Variants in MAP3K14 observed in about 807,000 individuals in gnomAD.
MAP3K14 encodes the protein mitogen-activated protein kinase kinase kinase 14.
In MAP3K14, 16 loss-of-function variants were observed where a neutral mutation model predicts 99.2. The observed-to-expected ratio is 0.16, with a 90% CI of 0.11 to 0.24. The LOEUF is 0.24. Among genes scored for constraint, MAP3K14 ranks in the 10% least tolerant of loss-of-function variants. The pLI, the probability that MAP3K14 is intolerant of heterozygous loss-of-function variation, is 1.00. For missense variants in MAP3K14, 784 were observed against 1,208.7 expected (o/e 0.65, Z 5.21); for synonymous variants, 462 against 492.4 (o/e 0.94, Z 0.82).
Position 45,264,619 on chromosome 17 carries a change from G to A in MAP3K14, c.*17C>T, listed in dbSNP as rs759772723. On this transcript the variant is annotated 3_prime_UTR_variant, in exon 16 of 16. Transcript: ENST00000344686. Reference sequence around the variant, plus strand: ...AGGCTGCTTCCGGCAGTGTGGAGCCGGCGGTGGAGGGCAGGGTTAGGGCCT... The same window carrying A: ...AGGCTGCTTCCGGCAGTGTGGAGCCAGCGGTGGAGGGCAGGGTTAGGGCCT... 19 of 1,558,506 alleles carry A rather than the reference G, an allele frequency of 1.2e-5. No homozygotes were observed. Among genetic ancestry groups the A allele is most frequent in the Middle Eastern group, 3.4e-4 (2 of 5,892 alleles).
chr17:45,286,720 G>A lies in MAP3K14; in HGVS notation c.863C>T (p.Ala288Val), dbSNP rs781158930. Reference sequence around the variant, plus strand: ...CAAGGGTTTCTGGCTGTCTACACAGGCCAGTTTGCCCAGGAAGGACTCCAG... The same window carrying A: ...CAAGGGTTTCTGGCTGTCTACACAGACCAGTTTGCCCAGGAAGGACTCCAG... ...HPLESFLGKL[A>V]CVDSQKPLPD... The change falls in exon 5 of 16, where the codon GCC (alanine) becomes GTC (valine). Residue 288 changes from alanine to valine, a missense_variant. Physicochemically the swap from Ala to Val is moderately conservative, Grantham distance 64. This residue lies in a region of MAP3K14 where 138 missense variants were observed against 164.1 expected (regional missense o/e 0.84). Transcript: ENST00000344686. The surrounding 1 kb of genome is among the most constrained non-coding windows in gnomAD (Gnocchi z 4.1). The A allele has an allele frequency of 2.5e-6, 4 of 1,610,152 alleles. No homozygotes were observed. The highest frequency in any genetic ancestry group is 1.7e-4 in the Middle Eastern group (1 of 6,060).
chr17:45,296,592 G>A (rs528164317), intron 1 of MAP3K14, among the ~76,000 whole-genome samples: 81 of 152,286 alleles, frequency 5.3e-4, no homozygotes, highest in South Asian at 1.0e-3. Flanking sequence ...GAGCAAGCTG[G>A]CCTGGCAAAA....
intron 6 of MAP3K14, among the ~76,000 whole-genome samples, chr17:45,280,407 G>A (rs1469247052): frequency 1.3e-5 from 2 of 150,552 alleles, no homozygotes; most frequent in African/African-American, 2.5e-5. Context: ...GGGTTCAAGC[G>A]ATTCTCCTGC....
intron 6 of MAP3K14, among the ~76,000 whole-genome samples, chr17:45,280,961 C>T (rs1188116906): frequency 1.3e-5 from 2 of 152,180 alleles, no homozygotes; most frequent in Non-Finnish European, 2.9e-5. Flanking sequence ...TCCTATCAAT[C>T]CATCCACTGA....
intron 14 of MAP3K14, 165 bp downstream of exon 14, chr17:45,266,372 G>T (rs2044082377): frequency 1.2e-6 from 1 of 815,180 alleles, no homozygotes; most frequent in Non-Finnish European, 1.9e-6. Flanking sequence ...TGGGACCTTT[G>T]CTTGAAACCC....
intron 1 of MAP3K14, among the ~76,000 whole-genome samples, chr17:45,311,555 G>T (rs1038351930): frequency 6.6e-6 from 1 of 152,172 alleles, no homozygotes; most frequent in African/African-American, 2.4e-5. Flanking sequence ...GTAGTAACCA[G>T]AACCTGGGAG....
intron 1 of MAP3K14, among the ~76,000 whole-genome samples, chr17:45,306,392 G>C (rs1243198932): frequency 6.8e-6 from 1 of 146,378 alleles, no homozygotes; most frequent in Non-Finnish European, 1.5e-5. Flanking sequence ...AGAAATTCAG[G>C]GACTGGCCTG....
At chr17:45,292,600 C>T (rs2143834430) in intron 1 of MAP3K14, among the ~76,000 whole-genome samples, 1 of 152,132 alleles carries the variant, frequency 6.6e-6, no homozygotes, top group East Asian at 1.9e-4. Context: ...TTCTGACATC[C>T]AATTAGGCAA....
In MAP3K14 at chr17:45,290,784, A is replaced by G; in HGVS notation, c.-20-19T>C. 6.3e-7 allele frequency: 1 copy of G among 1,597,884 alleles called. No individual in the cohort carries two copies. Among genetic ancestry groups the G allele is most frequent in the East Asian group, 2.2e-5 (1 of 44,458 alleles). The stretch of plus-strand genomic sequence containing the variant: ...GCTCATCCTGAGAGAGACCAAACAC[A>G]GAGCAGGTCACTTAGAATCCCAGAC... On this transcript the variant is annotated intron_variant, in intron 1 of 15. Transcript: ENST00000344686.
At chr17:45,284,752 G>A in intron 6 of MAP3K14, 60 bp downstream of exon 6, 1 of 1,521,704 alleles carries the variant, frequency 6.6e-7, no homozygotes, top group Middle Eastern at 2.4e-4. Context: ...AAAGCAGAGG[G>A]AACACACCAG....
intron 10 of MAP3K14, 140 bp from the exon 11 acceptor site, chr17:45,270,703 T>C: frequency 8.1e-7 from 1 of 1,228,908 alleles, no homozygotes; most frequent in Non-Finnish European, 1.1e-6. Context: ...GGGTCTGGGC[T>C]ACAGTGAGGG....
chr17:45,297,298 A>G (rs1249047889), intron 1 of MAP3K14, among the ~76,000 whole-genome samples: 1 of 152,210 alleles, frequency 6.6e-6, no homozygotes, highest in African/African-American at 2.4e-5. Flanking sequence ...TACTACCCCT[A>G]GCATCTGCCC....
Position 45,273,569 on chromosome 17 carries a change from C to T in MAP3K14, c.1591G>A (p.Ala531Thr). ...ACAGCATGGCCAAAGTCACAGAGGG[C>T]TGCGTGGCTCCCATCGCTGGACAGG... is the stretch of plus-strand genomic sequence containing the variant. ...VLLSSDGSHA[A>T]LCDFGHAVCL... Residue 531 changes from alanine (A) to threonine (T), a missense_variant, in exon 9 of 16, where the codon GCC becomes ACC. Around this residue, in one of 5 missense-constraint regions of MAP3K14, gnomAD observed 200 missense variants for 367.9 expected, o/e 0.54. Transcript: ENST00000344686. 6.2e-7 allele frequency: 1 copy of T among 1,613,476 alleles called. No homozygotes were observed. Among genetic ancestry groups the T allele is most frequent in the Non-Finnish European group, 8.5e-7 (1 of 1,179,728 alleles).
Position 45,283,196 on chromosome 17 carries a change from G to A in MAP3K14, c.1290+1616C>T, listed in dbSNP as rs369309871. On this transcript the variant is annotated intron_variant, in intron 6 of 15. Coordinates refer to ENST00000344686, the MANE Select transcript of MAP3K14 (RefSeq NM_003954.5). ...TGACTAAGCTCCCAGCACTGGGTGCGCGTCTCTTCACACTCTCACACTCTC... is the reference window on the plus strand; with the variant it reads ...TGACTAAGCTCCCAGCACTGGGTGCACGTCTCTTCACACTCTCACACTCTC... Among the ~76,000 whole-genome samples the A allele has an allele frequency of 8.5e-5, 13 of 152,254 alleles. No individual in the cohort carries two copies. In the East Asian group the frequency reaches 1.9e-3, roughly 23 times the overall value.
At chr17:45,311,944 G>T (rs1050520468) in intron 1 of MAP3K14, among the ~76,000 whole-genome samples, 1 of 152,060 alleles carries the variant, frequency 6.6e-6, no homozygotes, top group Non-Finnish European at 1.5e-5. Flanking sequence ...TGCTGATCTG[G>T]GCTCTGTGCC....
chr17:45,301,792 T>C (rs550786170), intron 1 of MAP3K14, among the ~76,000 whole-genome samples: 4 of 152,166 alleles, frequency 2.6e-5, no homozygotes, highest in Non-Finnish European at 5.9e-5. Context: ...TTTCTAATTT[T>C]TCCACTTTTT....
chr17:45,284,727 G>A (rs2143815621), intron 6 of MAP3K14, 85 bp downstream of exon 6: 3 of 1,460,458 alleles, frequency 2.1e-6, no homozygotes, highest in Middle Eastern at 2.5e-4. Context: ...GCCACCCTGC[G>A]ACTGTCCTGG....
Position 45,273,687 on chromosome 17 carries a change from C to T in MAP3K14, c.1553-80G>A, listed in dbSNP as rs774576237. On this transcript the variant is annotated intron_variant, in intron 8 of 15. Coordinates refer to ENST00000344686, the MANE Select transcript of MAP3K14 (RefSeq NM_003954.5). ...CCCACCCTGGCTCGGTTTGGCCTGC[C>T]CTCCAGTGATGTAATTTTCTGGCTG... 5.8e-6 allele frequency: 6 copies of T among 1,038,764 alleles called. No individual in the cohort carries two copies. In the East Asian group the frequency reaches 1.5e-4, roughly 27 times the overall value. 64.3% of individuals were successfully genotyped at this position (1,038,764 alleles called of 1,614,324 possible).
intron 6 of MAP3K14, among the ~76,000 whole-genome samples, chr17:45,283,123 T>C (rs2044236546): frequency 6.6e-6 from 1 of 152,232 alleles, no homozygotes. Context: ...CCTTGTTGCC[T>C]GGGAGGACTC....
Sources: gnomAD v4.1 joint callset for allele counts (sites outside exome capture counted in the v4.1 genomes callset) on GRCh38, gnomAD v4.1.1 for gene constraint, gnomAD v4.1.1 regional missense constraint, Gnocchi (gnomAD v3.1) non-coding constraint, MANE v1.5 for transcripts, NCBI Gene and HGNC (gene_info 2026-07-23, HGNC 2026-07-21) for gene names.